Variants in KCNH8 observed in about 807,000 individuals in gnomAD.
KCNH8 encodes the protein voltage-gated delayed rectifier potassium channel KCNH8.
Under a neutral mutation model 103.6 loss-of-function variants are expected in KCNH8, and 70 were observed. The observed-to-expected ratio is 0.68, with a 90% CI of 0.56 to 0.82. The LOEUF is 0.82. Ranked by LOEUF, KCNH8 falls within the 40% of genes least tolerant of loss-of-function variation. The probability of loss-of-function intolerance (pLI) is 0.00; values close to 1 mark genes in which losing one functional copy is unlikely to be tolerated. For synonymous variants in KCNH8, 498 were observed against 489.4 expected, an observed-to-expected ratio of 1.02 and a Z score of -0.23; for missense variants, 1,217 against 1,329.9, an observed-to-expected ratio of 0.92 and a Z score of 1.32.
intron 7 of KCNH8, among the ~76,000 whole-genome samples, chr3:19,434,156 AAAC>A (rs2067162595): frequency 6.6e-6 from 1 of 152,208 alleles, no homozygotes; most frequent in African/African-American, 2.4e-5. Context: ...TTTTAAAGCA[AAAC>A]AACAACAAAA....
intron 15 of KCNH8, among the ~76,000 whole-genome samples, chr3:19,522,170 CA>C (rs145083269): frequency 4.2e-4 from 62 of 146,020 alleles, no homozygotes; most frequent in Non-Finnish European, 5.5e-4. Flanking sequence ...CATGCCTAAA[CA>C]AAAAAAAAAT....
At chr3:19,248,130 T>G (rs374378656) in intron 1 of KCNH8, among the ~76,000 whole-genome samples, 1 of 152,182 alleles carries the variant, frequency 6.6e-6, no homozygotes, top group East Asian at 1.9e-4. Context: ...CTGATGAATT[T>G]TTAAGTTAAA....
intron 8 of KCNH8, among the ~76,000 whole-genome samples, chr3:19,442,851 T>G (rs2067303048): frequency 6.6e-6 from 1 of 152,098 alleles, no homozygotes; most frequent in Non-Finnish European, 1.5e-5. Context: ...TGAGAACTAA[T>G]CATAAGAGCT....
chr3:19,465,693 T>G (rs1446418224), intron 11 of KCNH8, among the ~76,000 whole-genome samples: 1 of 151,382 alleles, frequency 6.6e-6, no homozygotes, highest in Non-Finnish European at 1.5e-5. Context: ...CTAGATGCCA[T>G]TAAGAATATG....
intron 1 of KCNH8, among the ~76,000 whole-genome samples, chr3:19,237,272 T>A (rs2064078536): frequency 6.6e-6 from 1 of 152,216 alleles, no homozygotes; most frequent in African/African-American, 2.4e-5. Context: ...GCCCATGGCC[T>A]CTGTGGGAAT....
intron 11 of KCNH8, among the ~76,000 whole-genome samples, chr3:19,506,757 C>T (rs542129974): frequency 2.7e-4 from 41 of 152,224 alleles, no homozygotes; most frequent in African/African-American, 9.4e-4. Flanking sequence ...GGCTCCACTC[C>T]AGAGAAATGC....
intron 5 of KCNH8, among the ~76,000 whole-genome samples, chr3:19,355,848 A>T (rs540578544): frequency 2.0e-5 from 3 of 151,898 alleles, no homozygotes; most frequent in Admixed American, 2.0e-4. Flanking sequence ...AAACCTGCAC[A>T]TTATGCACAT....
intron 11 of KCNH8, among the ~76,000 whole-genome samples, chr3:19,495,649 C>CT (rs2068423015): frequency 6.6e-6 from 1 of 151,960 alleles, no homozygotes; most frequent in African/African-American, 2.4e-5. Flanking sequence ...GATACCTCAG[C>CT]TTTGTCTTTT....
intron 5 of KCNH8, among the ~76,000 whole-genome samples, chr3:19,367,313 A>G (rs1348971318): frequency 1.3e-5 from 2 of 150,652 alleles, no homozygotes; most frequent in African/African-American, 4.9e-5. Context: ...TTAGGTTTCT[A>G]TCATGCACTA....
chr3:19,163,006 A>G (rs956033164), intron 1 of KCNH8, among the ~76,000 whole-genome samples: 2 of 152,044 alleles, frequency 1.3e-5, no homozygotes, highest in African/African-American at 4.8e-5. Context: ...TAAAATTTTT[A>G]TGGTCTGTTG....
rs1193438918 is a variant in KCNH8 at position 19,277,704 on chromosome 3, C to CAG, written c.311-3492_311-3491dup. On this transcript the variant is annotated intron_variant, in intron 2 of 15. Coordinates refer to ENST00000328405, the MANE Select transcript of KCNH8 (RefSeq NM_144633.3). ...AAAATGGAGACAAGGGACATTCCAC[C>CAG]AGATTTAAGCTTTTGTGTAACTATT... is the stretch of plus-strand genomic sequence containing the variant. Among the ~76,000 whole-genome samples the CAG allele has an allele frequency of 2.0e-5, 3 of 152,192 alleles. No homozygotes were observed. In the East Asian group the frequency reaches 5.8e-4, roughly 29 times the overall value.
Position 19,210,431 on chromosome 3 carries a change from C to G in KCNH8, c.77-43223C>G, listed in dbSNP as rs185863498. ...CATAGGACTTAGTAAGAAAATAACA[C>G]AAAACCCCTACCACCAGGGTGAATA... On this transcript the variant is annotated intron_variant, in intron 1 of 15. Transcript: ENST00000328405. 3.0e-3 allele frequency among the ~76,000 whole-genome samples: 455 copies of G among 152,154 alleles called. 4 individuals are homozygous for G. Among genetic ancestry groups the G allele is most frequent in the African/African-American group, 9.9e-3 (413 of 41,532 alleles).
At chr3:19,295,648 CTT>C (rs2064988547) in intron 3 of KCNH8, among the ~76,000 whole-genome samples, 1 of 152,126 alleles carries the variant, frequency 6.6e-6, no homozygotes, top group Admixed American at 6.5e-5. Context: ...GGTAACTTTT[CTT>C]TGACCTGCTG....
chr3:19,171,613 G>A lies in KCNH8; in HGVS notation c.76+22818G>A, dbSNP rs565785561. Among the ~76,000 whole-genome samples, 14 of 152,282 alleles carry A rather than the reference G, an allele frequency of 9.2e-5. No homozygotes were observed. In the South Asian group the frequency reaches 2.7e-3, roughly 29 times the overall value. ...CAAGACCAAGATGCTGTGAATGACA[G>A]CTCTGCTCCTCTGATTACTAGATCC... On this transcript the variant is annotated intron_variant, in intron 1 of 15. Coordinates refer to ENST00000328405, the MANE Select transcript of KCNH8 (RefSeq NM_144633.3).
chr3:19,373,146 C>T (rs981230305), intron 5 of KCNH8, among the ~76,000 whole-genome samples: 2 of 151,780 alleles, frequency 1.3e-5, no homozygotes, highest in African/African-American at 2.4e-5. Flanking sequence ...AGGGAGGATT[C>T]CCTCCTTTTC....
intron 1 of KCNH8, among the ~76,000 whole-genome samples, chr3:19,170,237 A>G (rs981235115): frequency 2.0e-5 from 3 of 152,108 alleles, no homozygotes; most frequent in Non-Finnish European, 4.4e-5. Flanking sequence ...TTTGTTTTTC[A>G]CGTCCTATTT....
rs1473525004 is a variant in KCNH8, at chr3:19,170,806, A to ATTT, written c.76+22012_76+22013insTTT. Among the ~76,000 whole-genome samples, 247 of 103,352 alleles carry ATTT rather than the reference A, an allele frequency of 2.4e-3. 8 individuals are homozygous for ATTT. Among genetic ancestry groups the ATTT allele is most frequent in the African/African-American group, 0.011 (226 of 20,630 alleles). The allele number at this position is 103,352 out of a possible 152,430, so 67.8% of individuals were successfully genotyped here. On this transcript the variant is annotated intron_variant, in intron 1 of 15. Coordinates refer to ENST00000328405, the MANE Select transcript of KCNH8 (RefSeq NM_144633.3). ...CACACACACATATATATATATATAT[A>ATTT]TATATTTTTTTTTTTTTTTTTGAGA...
At chr3:19,414,254 G>A (rs1469845546) in intron 7 of KCNH8, among the ~76,000 whole-genome samples, 4 of 152,070 alleles carry the variant, frequency 2.6e-5, no homozygotes, top group African/African-American at 9.7e-5. Flanking sequence ...TTGGAGCAGG[G>A]AAAGGAGATA....
chr3:19,487,943 G>T (rs111318097), intron 11 of KCNH8, among the ~76,000 whole-genome samples: 10,888 of 152,192 alleles, frequency 0.072, 880 homozygotes, highest in East Asian at 0.26. Context: ...TATATCAATG[G>T]TTTTCTCGGG....
Sources: gnomAD v4.1 joint callset for allele counts (sites outside exome capture counted in the v4.1 genomes callset) on GRCh38, gnomAD v4.1.1 for gene constraint, MANE v1.5 for transcripts, NCBI Gene and HGNC (gene_info 2026-07-23, HGNC 2026-07-21) for gene names.